Variants in CSTPP1 observed in about 807,000 individuals in gnomAD.
CSTPP1 encodes UPF0705 protein C11orf49.
chr11:47,086,289 C>G, the CSTPP1 span, among the ~76,000 whole-genome samples: 1 of 147,930 alleles, frequency 6.8e-6, no homozygotes, highest in African/African-American at 2.5e-5. Flanking sequence ...ACCTGTAATC[C>G]CAGCTACTTG....
the CSTPP1 span, among the ~76,000 whole-genome samples, chr11:47,116,219 G>T: frequency 6.6e-6 from 1 of 152,180 alleles, no homozygotes; most frequent in Admixed American, 6.5e-5. Flanking sequence ...ATTTGCTGAG[G>T]AGTGCTTTAC....
the CSTPP1 span, among the ~76,000 whole-genome samples, chr11:47,065,803 GCGTGATCTCGGTTCA>G: frequency 6.6e-6 from 1 of 151,742 alleles, no homozygotes; most frequent in Non-Finnish European, 1.5e-5. Flanking sequence ...GAGTGTAGTG[GCGTGATCTCGGTTCA>G]CTGCAACCTC....
chr11:46,962,852 G>T, the CSTPP1 span, among the ~76,000 whole-genome samples: 2 of 152,062 alleles, frequency 1.3e-5, no homozygotes, highest in Non-Finnish European at 2.9e-5. Context: ...TATTCAGGAA[G>T]CTAAGGTGGG....
the CSTPP1 span, among the ~76,000 whole-genome samples, chr11:47,125,992 G>T: frequency 1.8e-4 from 27 of 151,480 alleles, no homozygotes; most frequent in African/African-American, 6.6e-4. Flanking sequence ...ATTCCATCCC[G>T]GGTGACAGAG....
At chr11:47,052,529 C>G in the CSTPP1 span, 2 of 1,612,058 alleles carry the variant, frequency 1.2e-6, no homozygotes, top group Non-Finnish European at 1.7e-6. Context: ...GTAAGTCTTC[C>G]CAAATTCTTT....
the CSTPP1 span, among the ~76,000 whole-genome samples, chr11:47,086,234 C>CAAAAAAAA: frequency 4.0e-4 from 36 of 89,432 alleles, 1 homozygote; most frequent in Non-Finnish European, 4.9e-4. Context: ...ACTAAAAATC[C>CAAAAAAAA]AAAAAAAAAA....
chr11:47,049,029 A>G, the CSTPP1 span, among the ~76,000 whole-genome samples: 2 of 152,064 alleles, frequency 1.3e-5, no homozygotes, highest in Admixed American at 6.5e-5. Flanking sequence ...TCTGTCACCC[A>G]GGCTGGAGTG....
the CSTPP1 span, chr11:46,948,234 TTC>T: frequency 6.7e-6 from 3 of 446,366 alleles, no homozygotes; most frequent in East Asian, 7.0e-5. Context: ...CTGGCCTCCT[TTC>T]TCTCTGTGTG....
chr11:46,974,758 G>A, the CSTPP1 span, among the ~76,000 whole-genome samples: 4 of 151,816 alleles, frequency 2.6e-5, no homozygotes, highest in African/African-American at 4.8e-5. Context: ...GGGAGGCTGA[G>A]GTGGGAGGCT....
the CSTPP1 span, among the ~76,000 whole-genome samples, chr11:47,002,620 G>C: frequency 6.6e-6 from 1 of 151,674 alleles, no homozygotes; most frequent in African/African-American, 2.4e-5. Flanking sequence ...GAAAGACCTT[G>C]TTCCCCCCAC....
chr11:47,037,312 C>T, the CSTPP1 span, among the ~76,000 whole-genome samples: 10 of 126,152 alleles, frequency 7.9e-5, 3 homozygotes, highest in African/African-American at 5.0e-5. Context: ...GTAGATGAAA[C>T]GACGTAGTTG....
the CSTPP1 span, among the ~76,000 whole-genome samples, chr11:47,012,689 G>A: frequency 6.6e-6 from 1 of 152,004 alleles, no homozygotes; most frequent in African/African-American, 2.4e-5. Flanking sequence ...GGTACGACTG[G>A]ATTCACGATG....
the CSTPP1 span, among the ~76,000 whole-genome samples, chr11:47,128,971 G>A: frequency 2.0e-5 from 3 of 152,180 alleles, no homozygotes; most frequent in Non-Finnish European, 4.4e-5. Flanking sequence ...CAAAGGTTGA[G>A]TGAGGTATAT....
chr11:47,035,658 T>C, the CSTPP1 span, among the ~76,000 whole-genome samples: 1 of 152,198 alleles, frequency 6.6e-6, no homozygotes, highest in African/African-American at 2.4e-5. Flanking sequence ...TCTGTGTGTG[T>C]GTCAGTTTTG....
At chr11:47,016,390 C>CAAAAAAAAAAAAAAAAAAAAA in the CSTPP1 span, among the ~76,000 whole-genome samples, 2 of 125,850 alleles carry the variant, frequency 1.6e-5, no homozygotes, top group Non-Finnish European at 3.3e-5. Context: ...ATGGAATCTA[C>CAAAAAAAAAAAAAAAAAAAAA]AAAAAACAAA....
chr11:47,164,167 GAAGA>G, the CSTPP1 span: 1 of 1,614,002 alleles, frequency 6.2e-7, no homozygotes, highest in Non-Finnish European at 8.5e-7. Flanking sequence ...GGCTTTCAGA[GAAGA>G]GAGAAGCAGG....
the CSTPP1 span, among the ~76,000 whole-genome samples, chr11:47,085,228 C>T: frequency 6.6e-6 from 1 of 151,844 alleles, no homozygotes; most frequent in African/African-American, 2.4e-5. Context: ...CAGTAAGACC[C>T]GAAATATTAT....
chr11:47,075,826 G>A, the CSTPP1 span, among the ~76,000 whole-genome samples: 1 of 150,998 alleles, frequency 6.6e-6, no homozygotes, highest in East Asian at 2.0e-4. Context: ...GCTGAGGCAG[G>A]TGAATCTCTT....
the CSTPP1 span, chr11:47,052,184 T>C: frequency 1.5e-4 from 68 of 464,608 alleles, no homozygotes; most frequent in Non-Finnish European, 1.8e-4. Context: ...TCAGAGGAAC[T>C]GGCCTCCAAG....
Sources: gnomAD v4.1 joint callset for allele counts (sites outside exome capture counted in the v4.1 genomes callset) on GRCh38, gnomAD v4.1.1 for gene constraint, MANE v1.5 for transcripts, NCBI Gene and HGNC (gene_info 2026-07-23, HGNC 2026-07-21) for gene names.